Variants in CDCA2 observed in about 807,000 individuals in gnomAD.
CDCA2 encodes cell division cycle associated 2, also known as cell division cycle-associated protein 2.
A neutral mutation model predicts 67.0 loss-of-function variants in CDCA2; 44 were observed. The observed-to-expected ratio is 0.66, with a 90% CI of 0.52 to 0.84. The LOEUF (loss-of-function observed/expected upper bound fraction) is 0.84. Ranked by LOEUF, CDCA2 falls within the 40% of genes least tolerant of loss-of-function variation. CDCA2 has a pLI of 0.00. For missense variants in CDCA2, 1,253 were observed against 1,203.2 expected (o/e 1.04, Z -0.61); for synonymous variants, 447 against 418.7 (o/e 1.07, Z -0.82).
intron 8 of CDCA2, among the ~76,000 whole-genome samples, chr8:25,480,703 G>A (rs1803535336): frequency 6.6e-6 from 1 of 152,158 alleles, no homozygotes. Context: ...AGGCTTGTAG[G>A]TTGTTAAGTG....
intron 13 of CDCA2, among the ~76,000 whole-genome samples, chr8:25,492,102 T>C (rs964764204): frequency 6.7e-6 from 1 of 150,324 alleles, no homozygotes; most frequent in Non-Finnish European, 1.5e-5. Flanking sequence ...GGCTGGCTAA[T>C]TTTTTTTTAC....
chr8:25,476,940 T>C (rs1803376105), intron 7 of CDCA2, among the ~76,000 whole-genome samples: 1 of 152,204 alleles, frequency 6.6e-6, no homozygotes, highest in Non-Finnish European at 1.5e-5. Context: ...CTTTTCTGAA[T>C]TGTTAACTTT....
intron 13 of CDCA2, among the ~76,000 whole-genome samples, chr8:25,495,922 G>A (rs1481324747): frequency 1.3e-5 from 2 of 152,108 alleles, no homozygotes; most frequent in African/African-American, 4.8e-5. Flanking sequence ...AATTTGAATT[G>A]GAAATAAGAG....
intron 13 of CDCA2, among the ~76,000 whole-genome samples, chr8:25,492,611 A>G (rs955356851): frequency 6.6e-6 from 1 of 152,248 alleles, no homozygotes; most frequent in Non-Finnish European, 1.5e-5. Context: ...AGTATAAGGA[A>G]AAGTAGATTT....
At position 25,462,307 on chromosome 8, in the gene CDCA2, G is replaced by A. The variant is rs571593499; in HGVS notation, c.387+99G>A. 11 of 1,322,844 alleles carry A rather than the reference G, an allele frequency of 8.3e-6. No homozygotes were observed. In the African/African-American group the frequency reaches 1.5e-4, roughly 18 times the overall value. 81.9% of individuals were successfully genotyped at this position (1,322,844 alleles called of 1,614,324 possible). On this transcript the variant is annotated intron_variant, in intron 4 of 14. Transcript: ENST00000330560. The stretch of plus-strand genomic sequence containing the variant: ...CATCTGCTCTGTTTCAAATCTGGAG[G>A]GAGATTTTCTCTGTGTTTTAGAGAA...
In CDCA2 at chr8:25,460,391, C is replaced by T. The variant is rs748210551; in HGVS notation, c.69C>T (p.Ala23=). The change falls in exon 3 of 15, where the codon GCC becomes GCT. Residue 23 remains alanine, a synonymous_variant. Coordinates refer to ENST00000330560, the MANE Select transcript of CDCA2 (RefSeq NM_152562.4). ...KESAMNNAGN[A]SFILGTGKIV... ...ATATGTCGTCCGTTTCAGGAAATGC[C>T]TCTTTCATTTTGGGAACTGGGAAGA... The T allele has an allele frequency of 6.2e-7, 1 of 1,614,144 alleles. No homozygotes were observed. The highest frequency in any genetic ancestry group is 8.5e-7 in the Non-Finnish European group (1 of 1,180,016).
At chr8:25,490,183 T>C (rs1803946319) in intron 13 of CDCA2, among the ~76,000 whole-genome samples, 1 of 152,098 alleles carries the variant, frequency 6.6e-6, no homozygotes, top group South Asian at 2.1e-4. Flanking sequence ...CTTATTACAT[T>C]AGAAATTGAT....
At chr8:25,502,280 G>T (rs1024282225) in intron 13 of CDCA2, among the ~76,000 whole-genome samples, 4 of 151,958 alleles carry the variant, frequency 2.6e-5, no homozygotes, top group Admixed American at 1.3e-4. Context: ...CATTCCTTTC[G>T]CCCATAACAG....
At chr8:25,494,364 T>C (rs1804124234) in intron 13 of CDCA2, among the ~76,000 whole-genome samples, 1 of 152,074 alleles carries the variant, frequency 6.6e-6, no homozygotes, top group African/African-American at 2.4e-5. Flanking sequence ...ATTAAAAAAA[T>C]AAAAATTTTA....
At chr8:25,468,546 T>TGTGTGCGTGC (rs1803021568) in intron 6 of CDCA2, 133 bp downstream of exon 6, 1 of 518,838 alleles carries the variant, frequency 1.9e-6, no homozygotes. Context: ...TGTGTGTGTG[T>TGTGTGCGTGC]GTGTGTGTGT....
rs764954096 is a variant in CDCA2, at chr8:25,507,772, A to T, written c.*34A>T. ...TCCTGCAGAGTCTGTGGCAAGAGGGAAAGTAACCATCTATGCTGAAATGAT... is the reference window on the plus strand; with the variant it reads ...TCCTGCAGAGTCTGTGGCAAGAGGGTAAGTAACCATCTATGCTGAAATGAT... On this transcript the variant is annotated 3_prime_UTR_variant, in exon 15 of 15. Transcript: ENST00000330560. The T allele has an allele frequency of 1.3e-6, 2 of 1,573,834 alleles. No homozygotes were observed. Among genetic ancestry groups the T allele is most frequent in the South Asian group, 2.4e-5 (2 of 84,426 alleles).
chr8:25,484,589 A>AT (rs35499692), intron 10 of CDCA2, among the ~76,000 whole-genome samples: 1,703 of 130,752 alleles, frequency 0.013, 17 homozygotes, highest in African/African-American at 0.021. Context: ...GGTATAGATG[A>AT]TTTTTTTTTT....
chr8:25,474,002 A>G (rs1324343200), intron 7 of CDCA2, among the ~76,000 whole-genome samples: 2 of 152,230 alleles, frequency 1.3e-5, no homozygotes, highest in African/African-American at 4.8e-5. Flanking sequence ...CCAAAGAATA[A>G]TTATGAATAA....
chr8:25,477,412 C>G (rs923720035), intron 7 of CDCA2, among the ~76,000 whole-genome samples: 4 of 152,136 alleles, frequency 2.6e-5, no homozygotes, highest in Non-Finnish European at 5.9e-5. Context: ...GACCTTTTGT[C>G]TCTATATACA....
chr8:25,484,183 A>C lies in CDCA2; in HGVS notation c.1338A>C (p.Pro446=). 6.2e-7 allele frequency: 1 copy of C among 1,614,148 alleles called. No homozygotes were observed. The change falls in exon 10 of 15, where the codon CCA becomes CCC. Residue 446 remains proline, a synonymous_variant. Transcript: ENST00000330560. ...CTGTTCCTGAGCCATTACCTCAACC[A>C]GATTTTGATGACAAGGGGGAGAATC... ...QSPVPEPLPQ[P]DFDDKGENLE... is the part of the protein sequence containing the mutation.
At chr8:25,484,242 A>AT in intron 10 of CDCA2, 32 bp downstream of exon 10, 3 of 1,606,356 alleles carry the variant, frequency 1.9e-6, no homozygotes, top group Non-Finnish European at 2.6e-6. Context: ...CAAGCTTGCC[A>AT]TATGTATTTT....
chr8:25,503,825 G>T (rs185443954), intron 14 of CDCA2, among the ~76,000 whole-genome samples: 1 of 152,242 alleles, frequency 6.6e-6, no homozygotes, highest in African/African-American at 2.4e-5. Flanking sequence ...AATAATTTCT[G>T]TGCATCCTGT....
chr8:25,462,974 G>T (rs772262707), intron 4 of CDCA2, among the ~76,000 whole-genome samples: 28 of 152,300 alleles, frequency 1.8e-4, no homozygotes, highest in Non-Finnish European at 3.5e-4. Flanking sequence ...CAACCCAAAC[G>T]AGGGTATTTT....
chr8:25,497,289 C>T (rs77811874), intron 13 of CDCA2, among the ~76,000 whole-genome samples: 4,919 of 151,996 alleles, frequency 0.032, 115 homozygotes, highest in Non-Finnish European at 0.051. Context: ...AGAGCGATAA[C>T]CAAGTTACAG....
Sources: allele counts gnomAD v4.1 joint callset (sites outside exome capture counted in the v4.1 genomes callset), GRCh38; gene constraint gnomAD v4.1.1; transcripts MANE v1.5; gene names NCBI Gene and HGNC (gene_info 2026-07-23, HGNC 2026-07-21).